The following COPS3 variants were observed in gnomAD, a reference collection of about 807,000 sequenced individuals.
COPS3 encodes COP9 signalosome complex subunit 3.
In COPS3, 10 loss-of-function variants were observed where a neutral mutation model predicts 58.2. The ratio of observed to expected loss-of-function variants is 0.17; its 90% CI spans 0.11 to 0.29. The LOEUF (loss-of-function observed/expected upper bound fraction) is 0.29. Among genes scored for constraint, COPS3 ranks in the 10% least tolerant of loss-of-function variants. COPS3 has a pLI of 1.00. For missense variants in COPS3, 333 were observed against 510.1 expected (o/e 0.65, Z 3.34); for synonymous variants, 187 against 181.7 (o/e 1.03, Z -0.24).
chr17:17,247,401 C>T, intron 11 of COPS3, 79 bp downstream of exon 11: 2 of 1,330,034 alleles, frequency 1.5e-6, no homozygotes, highest in Middle Eastern at 3.7e-4. Flanking sequence ...TAACCTGAAA[C>T]TTAGTTCCTG....
At chr17:17,273,605 C>T (rs1405645864) in intron 2 of COPS3, among the ~76,000 whole-genome samples, 1 of 152,000 alleles carries the variant, frequency 6.6e-6, no homozygotes, top group African/African-American at 2.4e-5. Context: ...AATCCCAGGA[C>T]TTTGGGAGGC....
intron 1 of COPS3, among the ~76,000 whole-genome samples, chr17:17,276,760 G>T (rs1001755647): frequency 2.6e-5 from 4 of 151,728 alleles, no homozygotes; most frequent in Non-Finnish European, 5.9e-5. Context: ...TAGTAGAGAC[G>T]GGGGTTTCAC....
intron 8 of COPS3, 69 bp from the exon 9 acceptor site, chr17:17,255,014 C>G (rs764405870): frequency 4.5e-5 from 51 of 1,123,184 alleles, no homozygotes; most frequent in Middle Eastern, 2.0e-4. Context: ...TAAATGTGTA[C>G]AGAGCGGCCA....
intron 2 of COPS3, among the ~76,000 whole-genome samples, chr17:17,273,138 T>G (rs1304776554): frequency 6.6e-6 from 1 of 152,186 alleles, no homozygotes; most frequent in Non-Finnish European, 1.5e-5. Flanking sequence ...TGACTTAAAG[T>G]GAGAGTCTGG....
intron 8 of COPS3, among the ~76,000 whole-genome samples, chr17:17,259,845 A>T (rs1015839939): frequency 1.3e-5 from 2 of 152,096 alleles, no homozygotes; most frequent in Non-Finnish European, 2.9e-5. Flanking sequence ...AATGAGCCGA[A>T]ATCACGCCAC....
intron 2 of COPS3, among the ~76,000 whole-genome samples, chr17:17,274,997 G>C (rs2048430600): frequency 6.6e-6 from 1 of 151,940 alleles, no homozygotes; most frequent in Non-Finnish European, 1.5e-5. Flanking sequence ...GCTGGTGGCA[G>C]CATCTTTAAC....
chr17:17,280,665 C>T, intron 1 of COPS3: 1 of 1,300,500 alleles, frequency 7.7e-7, no homozygotes, highest in Non-Finnish European at 1.0e-6. Context: ...CTGGCAGAGG[C>T]GAGCCATAGA....
chr17:17,249,497 T>A (rs1485830769), intron 9 of COPS3, among the ~76,000 whole-genome samples: 1 of 151,656 alleles, frequency 6.6e-6, no homozygotes, highest in African/African-American at 2.4e-5. Flanking sequence ...CTAATTTTTT[T>A]GTTGTTTTTT....
chr17:17,249,209 T>C (rs1016467735), intron 9 of COPS3, among the ~76,000 whole-genome samples, 170 bp from the exon 10 acceptor site: 3 of 152,192 alleles, frequency 2.0e-5, no homozygotes, highest in South Asian at 2.1e-4. Flanking sequence ...TACCTACTAT[T>C]TGCTAGGCAC....
intron 8 of COPS3, among the ~76,000 whole-genome samples, chr17:17,256,577 G>T (rs1260984810): frequency 6.6e-6 from 1 of 152,060 alleles, no homozygotes; most frequent in Non-Finnish European, 1.5e-5. Flanking sequence ...TTTCAGAGCT[G>T]GGCATATTAA....
intron 4 of COPS3, among the ~76,000 whole-genome samples, chr17:17,269,511 G>A (rs4985759): frequency 6.6e-6 from 1 of 151,888 alleles, no homozygotes; most frequent in African/African-American, 2.4e-5. Context: ...CACGAGAATC[G>A]CCTGAAGCTG....
Position 17,260,379 on chromosome 17 carries a change from G to A in COPS3, c.858C>T (p.Phe286=). Residue 286 remains phenylalanine, a synonymous_variant, in exon 8 of 12, where the codon TTC becomes TTT. Coordinates refer to ENST00000268717, the MANE Select transcript of COPS3 (RefSeq NM_003653.4). ...CCAGCCCCATGTTGTTATCGCGAGT[G>A]AAGGTTTCACTGTGCTTATTCACCA... ...RNLVNKHSET[F]TRDNNMGLVK... is the part of the protein sequence containing the mutation. 2 of 1,614,188 alleles carry A rather than the reference G, an allele frequency of 1.2e-6. No individual in the cohort carries two copies. Among genetic ancestry groups the A allele is most frequent in the East Asian group, 2.2e-5 (1 of 44,890 alleles).
At chr17:17,248,223 T>G (rs1309488459) in intron 10 of COPS3, among the ~76,000 whole-genome samples, 1 of 152,228 alleles carries the variant, frequency 6.6e-6, no homozygotes, top group African/African-American at 2.4e-5. Context: ...AAAGTTATAC[T>G]GGGCCCTTTA....
chr17:17,270,500 A>C lies in COPS3; in HGVS notation c.348+258T>G, dbSNP rs577907430. ...CCCAGCATATTACAACATAAAGGGT[A>C]CTGGCTTGGTAATTCCAACTACTTG... On this transcript the variant is annotated intron_variant, in intron 4 of 11. Coordinates refer to ENST00000268717, the MANE Select transcript of COPS3 (RefSeq NM_003653.4). Among the ~76,000 whole-genome samples the C allele has an allele frequency of 2.0e-5, 3 of 152,294 alleles. No individual in the cohort carries two copies. The South Asian group carries it at 6.2e-4, about 32-fold the overall frequency.
intron 11 of COPS3, 112 bp downstream of exon 11, chr17:17,247,368 T>C: frequency 9.2e-7 from 1 of 1,081,638 alleles, no homozygotes; most frequent in Non-Finnish European, 1.4e-6. Flanking sequence ...ACCGTACTGG[T>C]AAGGTTTTCA....
intron 7 of COPS3, chr17:17,261,609 C>T: frequency 4.8e-6 from 2 of 418,108 alleles, no homozygotes; most frequent in Non-Finnish European, 9.3e-6. Flanking sequence ...CCTGTAATCC[C>T]AGCACTCTGG....
At chr17:17,275,977 G>A (rs2145259954) in intron 2 of COPS3, 58 bp downstream of exon 2, 1 of 1,432,438 alleles carries the variant, frequency 7.0e-7, no homozygotes, top group East Asian at 2.3e-5. Context: ...ATAAAGCCAG[G>A]AAGTGCACAG....
At chr17:17,270,114 G>A (rs1024364833) in intron 4 of COPS3, among the ~76,000 whole-genome samples, 6 of 150,956 alleles carry the variant, frequency 4.0e-5, no homozygotes, top group Non-Finnish European at 5.9e-5. Context: ...CAGAGATGGC[G>A]CCACTGCACT....
intron 4 of COPS3, 55 bp downstream of exon 4, chr17:17,270,703 G>A: frequency 7.1e-7 from 1 of 1,414,366 alleles, no homozygotes; most frequent in Non-Finnish European, 9.8e-7. Flanking sequence ...AATTCATTGT[G>A]TAAGCTAGTT....
Sources: gnomAD v4.1 joint callset for allele counts (sites outside exome capture counted in the v4.1 genomes callset) on GRCh38, gnomAD v4.1.1 for gene constraint, MANE v1.5 for transcripts, NCBI Gene and HGNC (gene_info 2026-07-23, HGNC 2026-07-21) for gene names.